Variants in SLC25A31 observed in about 807,000 individuals in gnomAD.
SLC25A31 encodes ADP/ATP translocase 4.
SLC25A31 carries 40 observed loss-of-function variants against 36.2 expected under a neutral mutation model. The observed-to-expected ratio is 1.10, with a 90% CI of 0.86 to 1.44. SLC25A31 has a LOEUF of 1.44. Ranked by LOEUF, SLC25A31 falls within the 40% of genes most tolerant of loss-of-function variation. SLC25A31 has a pLI of 0.00. For synonymous variants in SLC25A31, 143 were observed against 149.7 expected (o/e 0.96, Z 0.32); for missense variants, 350 against 397.1 (o/e 0.88, Z 1.01).
At chr4:127,739,849 T>C (rs1284015328) in intron 1 of SLC25A31, among the ~76,000 whole-genome samples, 1 of 151,998 alleles carries the variant, frequency 6.6e-6, no homozygotes, top group Non-Finnish European at 1.5e-5. Flanking sequence ...TTCTTTCTTC[T>C]GCTTGGTCCA....
chr4:127,760,222 T>C (rs1159979870), intron 2 of SLC25A31, among the ~76,000 whole-genome samples: 1 of 152,230 alleles, frequency 6.6e-6, no homozygotes, highest in African/African-American at 2.4e-5. Context: ...TCTCTGTATA[T>C]TACTCCTTAT....
At chr4:127,749,892 A>G (rs1421066001) in intron 2 of SLC25A31, among the ~76,000 whole-genome samples, 2 of 152,106 alleles carry the variant, frequency 1.3e-5, no homozygotes, top group African/African-American at 2.4e-5. Flanking sequence ...AACAAAGAAT[A>G]CTAGGAGATA....
chr4:127,744,928 A>C (rs557645959), intron 2 of SLC25A31, 129 bp downstream of exon 2: 1 of 668,484 alleles, frequency 1.5e-6, no homozygotes, highest in Non-Finnish European at 2.2e-6. Context: ...ATTTGTCTTA[A>C]CTGTGATGTT....
rs994157254 is a variant in SLC25A31, at chr4:127,766,488, C to A, written c.479-578C>A. ...GCCAATTTTTCCTTTCTAAGTGTTT[C>A]TTTGTTTTGTTTTGTTTTGTTTTAA... On this transcript the variant is annotated intron_variant, in intron 3 of 5. Coordinates refer to ENST00000281154, the MANE Select transcript of SLC25A31 (RefSeq NM_031291.4). 4.0e-5 allele frequency among the ~76,000 whole-genome samples: 6 copies of A among 151,702 alleles called. No individual in the cohort carries two copies. The East Asian group carries it at 1.2e-3, about 29-fold the overall frequency.
chr4:127,745,359 A>C (rs945490096), intron 2 of SLC25A31, among the ~76,000 whole-genome samples: 1 of 152,072 alleles, frequency 6.6e-6, no homozygotes, highest in Non-Finnish European at 1.5e-5. Flanking sequence ...CTCAATTTCA[A>C]AATTTCCTAC....
chr4:127,767,027 T>C (rs762835391), intron 3 of SLC25A31, 39 bp from the exon 4 acceptor site: 2 of 1,558,166 alleles, frequency 1.3e-6, no homozygotes, highest in Non-Finnish European at 1.7e-6. Context: ...TTATTGGATA[T>C]ATAATGTTGC....
chr4:127,754,852 C>T (rs1732000232), intron 2 of SLC25A31, among the ~76,000 whole-genome samples: 1 of 151,948 alleles, frequency 6.6e-6, no homozygotes, highest in African/African-American at 2.4e-5. Context: ...ACAAAATACC[C>T]ACAAAAAGAA....
chr4:127,752,794 G>A (rs1731960532), intron 2 of SLC25A31, among the ~76,000 whole-genome samples: 1 of 152,298 alleles, frequency 6.6e-6, no homozygotes, highest in Admixed American at 6.5e-5. Flanking sequence ...TTTGAAGGGA[G>A]AGACAGACTG....
intron 2 of SLC25A31, among the ~76,000 whole-genome samples, chr4:127,758,712 A>G (rs146258049): frequency 3.3e-5 from 5 of 152,094 alleles, no homozygotes; most frequent in Non-Finnish European, 4.4e-5. Context: ...CCCCAGCACT[A>G]TTTGTTGAAT....
chr4:127,748,388 C>T (rs1560634388), intron 2 of SLC25A31, among the ~76,000 whole-genome samples: 1 of 152,092 alleles, frequency 6.6e-6, no homozygotes, highest in Non-Finnish European at 1.5e-5. Flanking sequence ...TCTCAACAGT[C>T]CTAAAACAAC....
intron 1 of SLC25A31, among the ~76,000 whole-genome samples, chr4:127,743,336 A>G (rs539755569): frequency 6.6e-5 from 10 of 152,122 alleles, no homozygotes; most frequent in African/African-American, 2.2e-4. Flanking sequence ...CGGTCTCACA[A>G]TGTTGCCCAG....
chr4:127,764,032 CTG>C (rs1242306077), intron 2 of SLC25A31, among the ~76,000 whole-genome samples: 1 of 152,150 alleles, frequency 6.6e-6, no homozygotes, highest in African/African-American at 2.4e-5. Flanking sequence ...AGCATCTAAA[CTG>C]TGTCTTCCAG....
Position 127,730,832 on chromosome 4 carries a change from C to T in SLC25A31, c.232+55C>T, listed in dbSNP as rs1578651634. On this transcript the variant is annotated intron_variant, in intron 1 of 5. Transcript: ENST00000281154. Reference sequence around the variant, plus strand: ...TCTCCCGGCGCCCTCGTCAGCTTCCCAGAGAAGAGGGTGGCTGGGAGGGGC... The same window carrying T: ...TCTCCCGGCGCCCTCGTCAGCTTCCTAGAGAAGAGGGTGGCTGGGAGGGGC... The T allele has an allele frequency of 1.8e-5, 27 of 1,513,518 alleles. No homozygotes were observed. The East Asian group carries it at 6.5e-4, about 37-fold the overall frequency. 93.8% of individuals were successfully genotyped at this position (1,513,518 alleles called of 1,614,324 possible). A position where few individuals can be genotyped will look rare whatever the true frequency, so the allele number is the denominator to read the frequency against.
intron 2 of SLC25A31, among the ~76,000 whole-genome samples, chr4:127,748,175 A>G (rs1202866774): frequency 6.6e-6 from 1 of 152,214 alleles, no homozygotes; most frequent in African/African-American, 2.4e-5. Context: ...GGCATAGACA[A>G]ACAGGTGTTT....
At chr4:127,748,730 T>C (rs1243706851) in intron 2 of SLC25A31, among the ~76,000 whole-genome samples, 4 of 152,198 alleles carry the variant, frequency 2.6e-5, no homozygotes, top group Non-Finnish European at 5.9e-5. Flanking sequence ...ACTGAACTGC[T>C]ATCTATATAG....
At chr4:127,731,057 C>G (rs548684376) in intron 1 of SLC25A31, among the ~76,000 whole-genome samples, 1 of 152,262 alleles carries the variant, frequency 6.6e-6, no homozygotes, top group East Asian at 1.9e-4. Context: ...TGCACCTGTG[C>G]CAGGTCCAGA....
At chr4:127,749,124 A>G (rs1731875792) in intron 2 of SLC25A31, among the ~76,000 whole-genome samples, 1 of 152,100 alleles carries the variant, frequency 6.6e-6, no homozygotes, top group South Asian at 2.1e-4. Context: ...TGAAGAATAC[A>G]GTGACAGAAC....
chr4:127,764,202 T>A, intron 2 of SLC25A31, 41 bp from the exon 3 acceptor site: 1 of 1,509,446 alleles, frequency 6.6e-7, no homozygotes, highest in Non-Finnish European at 9.2e-7. Context: ...AACAGTTAGA[T>A]TCTGTGGTTT....
chr4:127,762,767 C>A (rs1372617059), intron 2 of SLC25A31, among the ~76,000 whole-genome samples: 1 of 151,404 alleles, frequency 6.6e-6, no homozygotes, highest in Non-Finnish European at 1.5e-5. Context: ...AAAAAAAATA[C>A]AAGAAAATTA....
Sources: allele counts gnomAD v4.1 joint callset (sites outside exome capture counted in the v4.1 genomes callset), GRCh38; gene constraint gnomAD v4.1.1; transcripts MANE v1.5; gene names NCBI Gene and HGNC (gene_info 2026-07-23, HGNC 2026-07-21).